Variants in POLG observed in about 807,000 individuals in gnomAD.
POLG encodes the protein DNA polymerase subunit gamma-1.
POLG carries 110 observed loss-of-function variants against 155.4 expected under a neutral mutation model. The observed-to-expected ratio is 0.71, with a 90% confidence interval of 0.61 to 0.83. The LOEUF is 0.83. POLG is among the 40% of genes least tolerant of loss of function. The pLI is 0.00. For synonymous variants in POLG, 701 were observed against 631.5 expected (o/e 1.11, Z -1.65); for missense variants, 1,685 against 1,627.5 (o/e 1.04, Z -0.61).
chr15:89,334,783 C>T lies in POLG; in HGVS notation c.-270G>A, dbSNP rs1243596259. On this transcript the variant is annotated 5_prime_UTR_variant, in exon 1 of 23. Coordinates refer to ENST00000268124, the MANE Select transcript of POLG (RefSeq NM_002693.3). Reference sequence around the variant, plus strand: ...CCTCGGGGTAGCGTGTGGCCTCCACCCGGCCGGTCCGCTTCGCTGGCAGCC... The same window carrying T: ...CCTCGGGGTAGCGTGTGGCCTCCACTCGGCCGGTCCGCTTCGCTGGCAGCC... 1 of 152,344 alleles carries T rather than the reference C, an allele frequency of 6.6e-6. No individual in the cohort carries two copies. The highest frequency in any genetic ancestry group is 2.4e-5 in the African/African-American group (1 of 41,484). 9.4% of individuals were successfully genotyped at this position (152,344 alleles called of 1,614,324 possible).
intron 2 of POLG, among the ~76,000 whole-genome samples, chr15:89,330,788 C>T (rs1010300932): frequency 2.0e-5 from 3 of 151,598 alleles, no homozygotes; most frequent in Admixed American, 6.6e-5. Context: ...AATCATCTCA[C>T]GGCTGAAAAG....
At chr15:89,334,329 CT>C (rs2055641838) in intron 1 of POLG, 1 of 155,040 alleles carries the variant, frequency 6.4e-6, no homozygotes, top group Non-Finnish European at 1.4e-5. Flanking sequence ...TGCGGCCCTG[CT>C]CTTGGCAAGC....
At chr15:89,325,936 A>T (rs1220562652) in intron 9 of POLG, among the ~76,000 whole-genome samples, 1 of 152,204 alleles carries the variant, frequency 6.6e-6, no homozygotes, top group East Asian at 1.9e-4. Context: ...AGGACACAAA[A>T]GCATACCCTG....
chr15:89,324,939 T>C (rs1194627634), intron 10 of POLG, among the ~76,000 whole-genome samples: 1 of 152,188 alleles, frequency 6.6e-6, no homozygotes, highest in African/African-American at 2.4e-5. Context: ...GAGTAGGGCC[T>C]TTAGTCCTCC....
rs769328030 is a variant in POLG at position 89,319,049 on chromosome 15, C to T, written c.3155G>A (p.Gly1052Asp). The T allele has an allele frequency of 3.1e-6, 5 of 1,614,054 alleles. No homozygotes were observed. Among genetic ancestry groups the T allele is most frequent in the Admixed American group, 1.7e-5 (1 of 60,022 alleles). Reference sequence around the variant, plus strand: ...CTTATTGAACATTTCTGACTCTGTGCCCCCCTTCCATGCCCGTTCAGCAAC... The same window carrying T: ...CTTATTGAACATTTCTGACTCTGTGTCCCCCTTCCATGCCCGTTCAGCAAC... ...EVVAERAWKG[G>D]TESEMFNKLE... The change falls in exon 20 of 23, where the codon GGC (glycine) becomes GAC (aspartate). Residue 1052 changes from glycine (G) to aspartate (D), a missense_variant. Physicochemically the swap from Gly to Asp is moderately conservative, Grantham distance 94. Around this residue, in one of 3 missense-constraint regions of POLG, gnomAD observed 470 missense variants for 439.9 expected, o/e 1.07. Transcript: ENST00000268124.
rs1207466433 is a variant in POLG at position 89,333,784 on chromosome 15, T to C, written c.-30A>G. 2 of 1,534,480 alleles carry C rather than the reference T, an allele frequency of 1.3e-6. No individual in the cohort carries two copies. Among genetic ancestry groups the C allele is most frequent in the South Asian group, 2.4e-5 (2 of 84,042 alleles). The stretch of plus-strand genomic sequence containing the variant: ...GGTGCAGGGACCCCCACGCTGGGAG[T>C]CAGAACACCTGGCTTTGGGCTCCAG... On this transcript the variant is annotated 5_prime_UTR_variant, in exon 2 of 23. Coordinates refer to ENST00000268124, the MANE Select transcript of POLG (RefSeq NM_002693.3).
intron 6 of POLG, among the ~76,000 whole-genome samples, chr15:89,327,815 CCG>C (rs1289147666): frequency 2.6e-5 from 4 of 151,866 alleles, no homozygotes; most frequent in African/African-American, 9.7e-5. Flanking sequence ...AGCCCAACCC[CCG>C]CCCTCAGCCT....
intron 16 of POLG, 30 bp downstream of exon 16, chr15:89,321,706 G>A (rs1310264221): frequency 2.7e-6 from 4 of 1,486,670 alleles, no homozygotes; most frequent in Admixed American, 3.3e-5. Flanking sequence ...GAGAGGAAGA[G>A]CAGGGGCCAG....
At chr15:89,332,633 G>A (rs999978564) in intron 2 of POLG, among the ~76,000 whole-genome samples, 25 of 151,914 alleles carry the variant, frequency 1.6e-4, no homozygotes, top group African/African-American at 4.8e-4. Flanking sequence ...TTGGTCTGGC[G>A]TTTATGGGAA....
intron 2 of POLG, among the ~76,000 whole-genome samples, chr15:89,331,382 C>T (rs176638): frequency 0.016 from 2,463 of 152,044 alleles, 34 homozygotes; most frequent in Non-Finnish European, 0.028. Context: ...TCTTTGAGGC[C>T]ATGGTGGTAA....
Position 89,326,979 on chromosome 15 carries a change from T to C in POLG, c.1518A>G (p.Glu506=), listed in dbSNP as rs777706086. 1.2e-6 allele frequency: 2 copies of C among 1,613,732 alleles called. No homozygotes were observed. Among genetic ancestry groups the C allele is most frequent in the Non-Finnish European group, 1.7e-6 (2 of 1,180,000 alleles). Residue 506 remains glutamate, a synonymous_variant, in exon 8 of 23, where the codon GAA becomes GAG. Transcript: ENST00000268124. Reference sequence around the variant, plus strand: ...TGGGCAACTTGCTGGCTGTGGCTGGTTCCTTCTTCACCTTCTTAGCTTTCT... The same window carrying C: ...TGGGCAACTTGCTGGCTGTGGCTGGCTCCTTCTTCACCTTCTTAGCTTTCT... ...KQKKAKKVKK[E]PATASKLPIE... is the part of the protein sequence containing the mutation.
At chr15:89,330,021 G>GA in intron 3 of POLG, 60 bp downstream of exon 3, 1 of 1,414,828 alleles carries the variant, frequency 7.1e-7, no homozygotes, top group Non-Finnish European at 1.0e-6. Context: ...CCTAACCACT[G>GA]AGATTAGGGC....
In POLG at chr15:89,328,851, G is replaced by A; in HGVS notation, c.1024-20C>T. 2 of 1,614,016 alleles carry A rather than the reference G, an allele frequency of 1.2e-6. No homozygotes were observed. The highest frequency in any genetic ancestry group is 1.7e-6 in the Non-Finnish European group (2 of 1,180,038). On this transcript the variant is annotated intron_variant, in intron 4 of 22. Transcript: ENST00000268124. Reference sequence around the variant, plus strand: ...TGAGATCTGGGGAACCAGAGCAAGGGACATGGCAGATCAGCCTGGCCTCGG... The same window carrying A: ...TGAGATCTGGGGAACCAGAGCAAGGAACATGGCAGATCAGCCTGGCCTCGG...
chr15:89,319,195 T>G, intron 19 of POLG, 33 bp downstream of exon 19: 1 of 1,614,140 alleles, frequency 6.2e-7, no homozygotes, highest in Non-Finnish European at 8.5e-7. Flanking sequence ...CCCAGACCCC[T>G]CCCTCCATCC....
chr15:89,319,179 G>A, intron 19 of POLG, 49 bp downstream of exon 19: 3 of 1,614,126 alleles, frequency 1.9e-6, no homozygotes, highest in Non-Finnish European at 2.5e-6. Context: ...GCTCTTCTGG[G>A]GCAAGCCCAG....
chr15:89,319,189 G>A lies in POLG; in HGVS notation c.3104+39C>T, dbSNP rs763166828. 2.5e-6 allele frequency: 4 copies of A among 1,614,144 alleles called. No homozygotes were observed. The East Asian group carries it at 8.9e-5, about 36-fold the overall frequency. Reference sequence around the variant, plus strand: ...TCCAAGCTCTTCTGGGGCAAGCCCAGACCCCTCCCTCCATCCTTAACACAA... The same window carrying A: ...TCCAAGCTCTTCTGGGGCAAGCCCAAACCCCTCCCTCCATCCTTAACACAA... On this transcript the variant is annotated intron_variant, in intron 19 of 22. Coordinates refer to ENST00000268124, the MANE Select transcript of POLG (RefSeq NM_002693.3).
At position 89,325,495 on chromosome 15, in the gene POLG, G is replaced by A. The variant is rs773994204; in HGVS notation, c.1904C>T (p.Pro635Leu). The change falls in exon 10 of 23, where the codon CCG (proline) becomes CTG (leucine). Residue 635 changes from proline (P) to leucine (L), a missense_variant. This residue lies in a region of POLG where 1,210 missense variants were observed against 1,167.1 expected (regional missense o/e 1.04). Coordinates refer to ENST00000268124, the MANE Select transcript of POLG (RefSeq NM_002693.3). Reference protein sequence around the residue: ...PGRRDNLAKLPTGTTLESAGV... With the variant: ...PGRRDNLAKLLTGTTLESAGV... ...AGCTGACTCCAGGGTGGTACCTGTCGGCAGCTTGGCCAGGTTGTCCCGCCG... is the reference window on the plus strand; with the variant it reads ...AGCTGACTCCAGGGTGGTACCTGTCAGCAGCTTGGCCAGGTTGTCCCGCCG... 2.9e-5 allele frequency: 47 copies of A among 1,608,800 alleles called. No individual in the cohort carries two copies. Among genetic ancestry groups the A allele is most frequent in the Non-Finnish European group, 3.5e-5 (41 of 1,179,962 alleles).
rs62022590 is a variant in POLG, at chr15:89,325,111, A to T, written c.1949+339T>A. Among the ~76,000 whole-genome samples, 287 of 36,908 alleles carry T rather than the reference A, an allele frequency of 7.8e-3. 43 individuals carry two copies. The highest frequency in any genetic ancestry group is 0.043 in the African/African-American group (204 of 4,706). The allele number at this position is 36,908 out of a possible 152,430, so 24.2% of individuals were successfully genotyped here. On this transcript the variant is annotated intron_variant, in intron 10 of 22. Coordinates refer to ENST00000268124, the MANE Select transcript of POLG (RefSeq NM_002693.3). Reference sequence around the variant, plus strand: ...GAGTGAGTGAGTGAGAGAGTGAGAGAGAGTGAGTGAGTGAGTGAGAGAGTG... The same window carrying T: ...GAGTGAGTGAGTGAGAGAGTGAGAGTGAGTGAGTGAGTGAGTGAGAGAGTG...
chr15:89,325,168 G>GAA (rs1491142876), intron 10 of POLG, among the ~76,000 whole-genome samples: 13 of 84,918 alleles, frequency 1.5e-4, no homozygotes, highest in African/African-American at 6.4e-4. Context: ...GTGAGTGAGT[G>GAA]AGAGAGTGAG....
Sources: gnomAD v4.1 joint callset for allele counts (sites outside exome capture counted in the v4.1 genomes callset) on GRCh38, gnomAD v4.1.1 for gene constraint, gnomAD v4.1.1 regional missense constraint, MANE v1.5 for transcripts, NCBI Gene and HGNC (gene_info 2026-07-23, HGNC 2026-07-21) for gene names.